The following LRP6 variants were observed in gnomAD, a reference collection of about 807,000 sequenced individuals.
LRP6 encodes the protein low-density lipoprotein receptor-related protein 6.
A neutral mutation model predicts 184.1 loss-of-function variants in LRP6; 43 were observed. The observed-to-expected ratio is 0.23, with a 90% CI of 0.18 to 0.30. The LOEUF is 0.30. Among genes scored for constraint, LRP6 ranks in the 10% least tolerant of loss-of-function variants. The probability of loss-of-function intolerance (pLI) is 1.00; values close to 1 mark genes in which losing one functional copy is unlikely to be tolerated. For synonymous variants in LRP6, 719 were observed against 684.9 expected, an observed-to-expected ratio of 1.05 and a Z score of -0.78; for missense variants, 1,571 against 2,005.3, an observed-to-expected ratio of 0.78 and a Z score of 4.14.
Position 12,150,855 on chromosome 12 carries a change from G to T in LRP6, c.2975C>A (p.Ala992Glu), listed in dbSNP as rs777249980. 1.1e-5 allele frequency: 17 copies of T among 1,613,720 alleles called. No individual in the cohort carries two copies. In the Admixed American group the frequency reaches 2.8e-4, roughly 27 times the overall value. The change falls in exon 13 of 23, where the codon GCA becomes GAA. Residue 992 changes from alanine (A) to glutamate (E), a missense_variant. By Grantham distance (107) the Ala-to-Glu change is moderately radical (BLOSUM62 -1). Transcript: ENST00000261349. Reference protein sequence around the residue: ...IDSRQNMIRKAQEDGSQGFTV... With the variant: ...IDSRQNMIRKEQEDGSQGFTV... ...AATTACCTGGCTGCCATCTTCTTGT[G>T]CCTTTCGGATCATGTTTTGTCGTGA... is the stretch of plus-strand genomic sequence containing the variant.
chr12:12,250,941 C>T (rs1326937284), intron 1 of LRP6, among the ~76,000 whole-genome samples: 1 of 145,034 alleles, frequency 6.9e-6, no homozygotes, highest in Admixed American at 6.9e-5. Context: ...TCTTCTTCTT[C>T]GTTTTTCGAG....
chr12:12,159,299 T>C (rs895753372), intron 11 of LRP6, 144 bp from the exon 12 acceptor site: 1 of 677,138 alleles, frequency 1.5e-6, no homozygotes, highest in Non-Finnish European at 2.5e-6. Context: ...AAAAATTCAT[T>C]TAAAAGCAAT....
chr12:12,155,632 A>T, intron 12 of LRP6: 5 of 906,326 alleles, frequency 5.5e-6, no homozygotes, highest in Non-Finnish European at 9.2e-6. Flanking sequence ...AAATGATCAG[A>T]AAAAGAAAGA....
intron 2 of LRP6, among the ~76,000 whole-genome samples, chr12:12,229,169 G>A (rs543139727): frequency 1.4e-4 from 22 of 152,166 alleles, no homozygotes; most frequent in South Asian, 8.3e-4. Flanking sequence ...TTGGGAGTTC[G>A]AGACCAGCCT....
At chr12:12,157,205 T>C (rs1453225781) in intron 12 of LRP6, among the ~76,000 whole-genome samples, 1 of 152,182 alleles carries the variant, frequency 6.6e-6, no homozygotes, top group African/African-American at 2.4e-5. Flanking sequence ...CCATCATCTA[T>C]GACACATAAT....
At chr12:12,131,363 C>T (rs1369867186) in intron 18 of LRP6, among the ~76,000 whole-genome samples, 3 of 152,110 alleles carry the variant, frequency 2.0e-5, no homozygotes, top group Non-Finnish European at 2.9e-5. Context: ...CCGCCTCGGC[C>T]TCCCAAAGTG....
chr12:12,158,917 G>A lies in LRP6; in HGVS notation c.2703C>T (p.Ser901=), dbSNP rs780735954. 2.8e-5 allele frequency: 46 copies of A among 1,614,112 alleles called. No homozygotes were observed. The highest frequency in any genetic ancestry group is 3.5e-5 in the Non-Finnish European group (41 of 1,180,046). ...CAACTGGCACAGCCAAGCAGAGGTG[G>A]GAGCAGTGCCCATTGCTGGAAGCAC... ...NECASSNGHC[S]HLCLAVPVGG... Residue 901 remains serine, a synonymous_variant, in exon 12 of 23, where the codon TCC becomes TCT. Coordinates refer to ENST00000261349, the MANE Select transcript of LRP6 (RefSeq NM_002336.3).
chr12:12,183,495 AT>A (rs571444869), intron 5 of LRP6, among the ~76,000 whole-genome samples: 11 of 152,084 alleles, frequency 7.2e-5, no homozygotes, highest in South Asian at 4.2e-4. Context: ...TTAAATATGG[AT>A]TTTTTTTCCC....
chr12:12,231,636 G>A (rs1317824341), intron 2 of LRP6, among the ~76,000 whole-genome samples: 1 of 151,914 alleles, frequency 6.6e-6, no homozygotes, highest in Non-Finnish European at 1.5e-5. Flanking sequence ...GGGCACAGTG[G>A]CTCATGCCTG....
chr12:12,133,859 G>A (rs1220050465), intron 17 of LRP6, among the ~76,000 whole-genome samples: 5 of 99,040 alleles, frequency 5.0e-5, no homozygotes, highest in East Asian at 7.6e-4. Context: ...GGGGGGGGGG[G>A]GGGAGGGTAA....
Position 12,120,775 on chromosome 12 carries a change from A to C in LRP6, c.*351T>G, listed in dbSNP as rs1949594371. On this transcript the variant is annotated 3_prime_UTR_variant, in exon 23 of 23. Transcript: ENST00000261349. ...TATTTTTGGTATCAATAAAGCCCAGATATTCCTGGTCAGTGATGCCTTTAT... is the reference window on the plus strand; with the variant it reads ...TATTTTTGGTATCAATAAAGCCCAGCTATTCCTGGTCAGTGATGCCTTTAT... The C allele has an allele frequency of 1.2e-5, 2 of 168,422 alleles. No homozygotes were observed. Among genetic ancestry groups the C allele is most frequent in the Admixed American group, 1.2e-4 (2 of 16,270 alleles). 10.4% of individuals were successfully genotyped at this position (168,422 alleles called of 1,614,324 possible). A position where few individuals can be genotyped will look rare whatever the true frequency, so the allele number is the denominator to read the frequency against.
Position 12,118,105 on chromosome 12 carries a change from A to C in LRP6, c.*3021T>G, listed in dbSNP as rs912712982. On this transcript the variant is annotated 3_prime_UTR_variant, in exon 23 of 23. Transcript: ENST00000261349. ...TAAAGTAACTACATAATCTTCTGCTAAACAGATATCTTGTGATATGCTGTA... is the reference window on the plus strand; with the variant it reads ...TAAAGTAACTACATAATCTTCTGCTCAACAGATATCTTGTGATATGCTGTA... The C allele has an allele frequency of 6.6e-6, 1 of 152,238 alleles. No homozygotes were observed. Among genetic ancestry groups the C allele is most frequent in the Non-Finnish European group, 1.5e-5 (1 of 68,044 alleles). The allele number at this position is 152,238 out of a possible 1,614,324, so 9.4% of individuals were successfully genotyped here. A position where few individuals can be genotyped will look rare whatever the true frequency, so the allele number is the denominator to read the frequency against.
intron 3 of LRP6, among the ~76,000 whole-genome samples, chr12:12,194,589 G>A (rs1863705757): frequency 6.6e-6 from 1 of 152,026 alleles, no homozygotes; most frequent in Admixed American, 6.6e-5. Flanking sequence ...TAAAGTCTCT[G>A]TTTTAAAAAA....
At chr12:12,175,163 T>C (rs1222754378) in intron 7 of LRP6, among the ~76,000 whole-genome samples, 3 of 151,970 alleles carry the variant, frequency 2.0e-5, no homozygotes, top group Non-Finnish European at 4.4e-5. Flanking sequence ...CCGAGGTGGG[T>C]GGATCATTTG....
intron 19 of LRP6, 50 bp downstream of exon 19, chr12:12,130,733 T>A: frequency 8.7e-7 from 1 of 1,149,118 alleles, no homozygotes; most frequent in African/African-American, 1.5e-5. Flanking sequence ...AGAAAAAAAA[T>A]TGTTTAAATT....
chr12:12,221,275 A>G (rs779927389), intron 2 of LRP6, among the ~76,000 whole-genome samples: 7 of 152,264 alleles, frequency 4.6e-5, no homozygotes, highest in Non-Finnish European at 8.8e-5. Flanking sequence ...AGTGTAAGAG[A>G]AAACCCAATT....
At chr12:12,145,327 TA>T (rs144877940) in intron 15 of LRP6, among the ~76,000 whole-genome samples, 3 of 151,476 alleles carry the variant, frequency 2.0e-5, no homozygotes, top group Admixed American at 1.3e-4. Context: ...CTGAAGACAT[TA>T]AAAAAAATGT....
chr12:12,162,485 T>G, intron 9 of LRP6, 66 bp from the exon 10 acceptor site: 5 of 1,430,608 alleles, frequency 3.5e-6, no homozygotes, highest in Non-Finnish European at 4.9e-6. Context: ...AAAGAAGGTT[T>G]GGTTTGGTTT....
chr12:12,253,263 CA>C (rs544054402), intron 1 of LRP6, among the ~76,000 whole-genome samples: 2 of 151,942 alleles, frequency 1.3e-5, no homozygotes, highest in Non-Finnish European at 2.9e-5. Context: ...GACTCTGTCT[CA>C]AAAAATAATA....
Sources: allele counts gnomAD v4.1 joint callset (sites outside exome capture counted in the v4.1 genomes callset), GRCh38; gene constraint gnomAD v4.1.1; transcripts MANE v1.5; gene names NCBI Gene and HGNC (gene_info 2026-07-23, HGNC 2026-07-21).